SLIT3: variants seen among roughly 807,000 people sequenced by gnomAD.
The protein encoded by SLIT3 is slit guidance ligand 3.
SLIT3 carries 68 observed loss-of-function variants against 184.0 expected under a neutral mutation model. That is an observed-to-expected ratio of 0.37 (90% confidence interval 0.30 to 0.45). The LOEUF is 0.45. SLIT3 is among the 20% of genes least tolerant of loss of function. SLIT3 has a pLI of 1.00. For missense variants in SLIT3, 1,707 were observed against 2,026.0 expected (o/e 0.84, Z 3.02); for synonymous variants, 831 against 828.6 (o/e 1.00, Z -0.05).
chr5:168,876,457 T>C (rs918305947), intron 5 of SLIT3, among the ~76,000 whole-genome samples: 3 of 152,182 alleles, frequency 2.0e-5, no homozygotes, highest in Non-Finnish European at 4.4e-5. Flanking sequence ...CCTAACCTCA[T>C]TGCTCTTTAT....
At chr5:168,816,202 T>C (rs578110810) in intron 8 of SLIT3, among the ~76,000 whole-genome samples, 2 of 152,318 alleles carry the variant, frequency 1.3e-5, no homozygotes, top group South Asian at 4.1e-4. Flanking sequence ...ATTTTTTTAA[T>C]TTTTGAGACA....
chr5:169,090,748 G>A (rs1022437305), intron 4 of SLIT3, among the ~76,000 whole-genome samples: 1 of 152,238 alleles, frequency 6.6e-6, no homozygotes, highest in Non-Finnish European at 1.5e-5. Context: ...GCCGGATGGA[G>A]GTGATGCCAC....
chr5:168,954,731 G>A (rs1762764322), intron 4 of SLIT3, among the ~76,000 whole-genome samples: 1 of 152,204 alleles, frequency 6.6e-6, no homozygotes, highest in South Asian at 2.1e-4. Flanking sequence ...AGGCAGGTAA[G>A]GCAGGAGGGG....
At chr5:168,891,964 C>T (rs1003596731) in intron 4 of SLIT3, among the ~76,000 whole-genome samples, 1 of 152,118 alleles carries the variant, frequency 6.6e-6, no homozygotes, top group East Asian at 1.9e-4. Flanking sequence ...CTCTCTGTGC[C>T]AGCCAATTGG....
intron 4 of SLIT3, among the ~76,000 whole-genome samples, chr5:169,140,611 C>G (rs527349183): frequency 5.3e-5 from 8 of 151,782 alleles, no homozygotes; most frequent in Non-Finnish European, 1.2e-4. Flanking sequence ...TGAGACCAGC[C>G]TGGACTACAT....
At chr5:168,888,275 T>A (rs2113801692) in intron 4 of SLIT3, among the ~76,000 whole-genome samples, 1 of 152,310 alleles carries the variant, frequency 6.6e-6, no homozygotes, top group East Asian at 1.9e-4. Flanking sequence ...CATCAGACAG[T>A]CCTTGGTTAG....
At chr5:168,752,218 T>C (rs1561911054) in intron 18 of SLIT3, among the ~76,000 whole-genome samples, 2 of 152,160 alleles carry the variant, frequency 1.3e-5, no homozygotes, top group African/African-American at 4.8e-5. Context: ...TTCAGCACTG[T>C]GACCATGCTG....
chr5:168,804,947 C>A (rs188612289), intron 9 of SLIT3, among the ~76,000 whole-genome samples: 26 of 152,204 alleles, frequency 1.7e-4, no homozygotes, highest in Non-Finnish European at 2.8e-4. Flanking sequence ...CCCACTCCAG[C>A]GTCAGGGCCT....
At chr5:169,122,064 G>A (rs938667065) in intron 4 of SLIT3, among the ~76,000 whole-genome samples, 3 of 152,204 alleles carry the variant, frequency 2.0e-5, no homozygotes, top group African/African-American at 7.2e-5. Flanking sequence ...TGAACTGAGG[G>A]TGAGGAGTTG....
At chr5:168,831,845 A>C (rs1757892041) in intron 6 of SLIT3, among the ~76,000 whole-genome samples, 1 of 152,210 alleles carries the variant, frequency 6.6e-6, no homozygotes, top group Admixed American at 6.5e-5. Context: ...TATTCATATT[A>C]TGACAGGCAG....
chr5:169,104,024 G>A (rs917396374), intron 4 of SLIT3, among the ~76,000 whole-genome samples: 2 of 152,196 alleles, frequency 1.3e-5, no homozygotes, highest in African/African-American at 4.8e-5. Flanking sequence ...TGTTACTCCC[G>A]AATCCAGTTC....
At chr5:168,812,255 G>A (rs1470339633) in intron 8 of SLIT3, among the ~76,000 whole-genome samples, 2 of 152,192 alleles carry the variant, frequency 1.3e-5, no homozygotes, top group Non-Finnish European at 2.9e-5. Flanking sequence ...ATGAAGTTAT[G>A]GTTAGAGAGG....
At chr5:168,695,587 C>T (rs1021219374) in intron 28 of SLIT3, among the ~76,000 whole-genome samples, 13 of 152,120 alleles carry the variant, frequency 8.5e-5, no homozygotes, top group African/African-American at 2.9e-4. Flanking sequence ...TGTGTTTGCA[C>T]CAAAATTGGT....
intron 4 of SLIT3, among the ~76,000 whole-genome samples, chr5:169,001,224 C>T (rs1001516928): frequency 1.2e-4 from 18 of 152,222 alleles, no homozygotes; most frequent in African/African-American, 1.4e-4. Flanking sequence ...AAACTTCTCA[C>T]TTCCAGCTCA....
chr5:168,953,098 G>A (rs570674475), intron 4 of SLIT3, among the ~76,000 whole-genome samples: 16 of 152,220 alleles, frequency 1.1e-4, no homozygotes, highest in South Asian at 4.1e-4. Flanking sequence ...AACAGGCTTA[G>A]TAGGATTCTT....
chr5:169,014,672 C>G (rs1292163644), intron 4 of SLIT3, among the ~76,000 whole-genome samples: 2 of 152,200 alleles, frequency 1.3e-5, no homozygotes, highest in African/African-American at 2.4e-5. Context: ...CAACCTCATG[C>G]TGGTGCAGTG....
At chr5:168,746,448 GGCAGTGT>G (rs1763820541) in intron 20 of SLIT3, among the ~76,000 whole-genome samples, 1 of 123,838 alleles carries the variant, frequency 8.1e-6, no homozygotes, top group African/African-American at 3.1e-5. Flanking sequence ...GTGTGGGTGT[GGCAGTGT>G]GTGGTGGTGT....
chr5:168,995,134 T>C (rs1335564611), intron 4 of SLIT3, among the ~76,000 whole-genome samples: 1 of 152,174 alleles, frequency 6.6e-6, no homozygotes, highest in Non-Finnish European at 1.5e-5. Context: ...AAGAGTCCCA[T>C]CTTCTGTACG....
chr5:169,227,130 C>G (rs1330245531), intron 3 of SLIT3, among the ~76,000 whole-genome samples: 1 of 152,110 alleles, frequency 6.6e-6, no homozygotes, highest in Non-Finnish European at 1.5e-5. Context: ...ACAGGGCCAC[C>G]CCTAGTGGGC....
Sources: gnomAD v4.1 joint callset for allele counts (sites outside exome capture counted in the v4.1 genomes callset) on GRCh38, gnomAD v4.1.1 for gene constraint, MANE v1.5 for transcripts, NCBI Gene and HGNC (gene_info 2026-07-23, HGNC 2026-07-21) for gene names.